The following GUCA1C variants were observed in gnomAD, a reference collection of about 807,000 sequenced individuals.
GUCA1C encodes guanylate cyclase activator 1C.
Under a neutral mutation model 16.2 loss-of-function variants are expected in GUCA1C, and 15 were observed. That is an observed-to-expected ratio of 0.93 (90% confidence interval 0.62 to 1.43). GUCA1C has a LOEUF of 1.43. Ranked by LOEUF, GUCA1C falls within the 40% of genes most tolerant of loss-of-function variation. The pLI, the probability that GUCA1C is intolerant of heterozygous loss-of-function variation, is 0.00. For missense variants in GUCA1C, 275 were observed against 244.8 expected (o/e 1.12, Z -0.82); for synonymous variants, 78 against 85.4 (o/e 0.91, Z 0.48).
At chr3:108,915,723 A>G (rs1946502839) in intron 3 of GUCA1C, among the ~76,000 whole-genome samples, 1 of 152,096 alleles carries the variant, frequency 6.6e-6, no homozygotes, top group South Asian at 2.1e-4. Flanking sequence ...AATGAAGGAA[A>G]GTTTTCTGCA....
intron 1 of GUCA1C, among the ~76,000 whole-genome samples, chr3:108,949,962 G>C (rs995717742): frequency 1.3e-5 from 2 of 152,084 alleles, no homozygotes; most frequent in Admixed American, 1.3e-4. Context: ...TAGTCACCAT[G>C]CTATACAAGA....
intron 1 of GUCA1C, among the ~76,000 whole-genome samples, chr3:108,951,664 G>C (rs1402259515): frequency 6.6e-6 from 1 of 152,044 alleles, no homozygotes; most frequent in East Asian, 1.9e-4. Context: ...ATTTTATATT[G>C]AGATCCCCAC....
chr3:108,930,321 CTGTAAAG>C (rs1180527511), intron 1 of GUCA1C, among the ~76,000 whole-genome samples: 1 of 152,214 alleles, frequency 6.6e-6, no homozygotes, highest in Non-Finnish European at 1.5e-5. Flanking sequence ...ATTTATCAGT[CTGTAAAG>C]TGTTACGTGT....
At chr3:108,916,568 G>A (rs1272464059) in intron 2 of GUCA1C, among the ~76,000 whole-genome samples, 4 of 152,212 alleles carry the variant, frequency 2.6e-5, no homozygotes, top group Admixed American at 2.6e-4. Context: ...ATTTCAGACA[G>A]ATTGATTTGG....
intron 2 of GUCA1C, among the ~76,000 whole-genome samples, chr3:108,916,964 A>G (rs1022655305): frequency 2.0e-5 from 3 of 152,258 alleles, no homozygotes; most frequent in African/African-American, 4.8e-5. Flanking sequence ...TATTTCAATT[A>G]GAGGACACAA....
chr3:108,926,652 T>C (rs1490898140), intron 1 of GUCA1C, among the ~76,000 whole-genome samples: 2 of 152,122 alleles, frequency 1.3e-5, no homozygotes, highest in Admixed American at 6.6e-5. Context: ...AGCTAATTTT[T>C]TGTATTTTTA....
chr3:108,931,454 G>A (rs1269207471), intron 1 of GUCA1C, among the ~76,000 whole-genome samples: 1 of 152,146 alleles, frequency 6.6e-6, no homozygotes, highest in African/African-American at 2.4e-5. Flanking sequence ...TTAGACAAGG[G>A]CATCCTCTTT....
chr3:108,909,895 T>G (rs1223479324), intron 3 of GUCA1C, among the ~76,000 whole-genome samples: 2 of 152,194 alleles, frequency 1.3e-5, no homozygotes, highest in Non-Finnish European at 2.9e-5. Context: ...TTTGAAATTT[T>G]CCTCAGTTTC....
In GUCA1C at chr3:108,941,479, G is replaced by A. The variant is rs111314387; in HGVS notation, c.204+12080C>T. ...TGTAAAGATCTTTGGAGTCCCAAAAGAGGCAAAGACTTTTGACAAGTCTTT... is the reference window on the plus strand; with the variant it reads ...TGTAAAGATCTTTGGAGTCCCAAAAAAGGCAAAGACTTTTGACAAGTCTTT... On this transcript the variant is annotated intron_variant, in intron 1 of 3. Transcript: ENST00000261047. Among the ~76,000 whole-genome samples, 713 of 152,270 alleles carry A rather than the reference G, an allele frequency of 4.7e-3. 8 individuals are homozygous for A. Among genetic ancestry groups the A allele is most frequent in the African/African-American group, 0.016 (683 of 41,538 alleles).
intron 1 of GUCA1C, among the ~76,000 whole-genome samples, chr3:108,932,324 A>AG (rs1946675914): frequency 2.9e-5 from 1 of 34,066 alleles, no homozygotes; most frequent in East Asian, 4.1e-4. Context: ...ACCTCCCACC[A>AG]AAAAAAAAAA....
chr3:108,925,052 C>A (rs935933370), intron 1 of GUCA1C, among the ~76,000 whole-genome samples: 9 of 151,084 alleles, frequency 6.0e-5, no homozygotes, highest in Admixed American at 1.3e-4. Flanking sequence ...AATGGCCTGT[C>A]AATTTTATTT....
intron 3 of GUCA1C, among the ~76,000 whole-genome samples, chr3:108,914,872 A>G (rs1196969614): frequency 6.6e-6 from 1 of 152,000 alleles, no homozygotes; most frequent in Non-Finnish European, 1.5e-5. Flanking sequence ...TAGCCTCCTT[A>G]TCTACTCTGG....
Position 108,920,462 on chromosome 3 carries a change from T to C in GUCA1C, c.328A>G (p.Lys110Glu), listed in dbSNP as rs1487354383. 1.2e-6 allele frequency: 2 copies of C among 1,609,164 alleles called. No individual in the cohort carries two copies. Among genetic ancestry groups the C allele is most frequent in the African/African-American group, 2.7e-5 (2 of 74,818 alleles). ...ATGAACATGTCCAGTAGTTCATTTTTGTCAATAGAACCATTTCCATCAGCA... is the reference window on the plus strand; with the variant it reads ...ATGAACATGTCCAGTAGTTCATTTTCGTCAATAGAACCATTTCCATCAGCA... ...YDADGNGSID[K>E]NELLDMFMAV... Residue 110 changes from lysine (K) to glutamate (E), a missense_variant, in exon 2 of 4, where the codon AAA becomes GAA. Physicochemically the swap from Lys to Glu is moderately conservative, Grantham distance 56. Coordinates refer to ENST00000261047, the MANE Select transcript of GUCA1C (RefSeq NM_005459.4).
At chr3:108,950,184 C>A (rs776879291) in intron 1 of GUCA1C, among the ~76,000 whole-genome samples, 28 of 152,144 alleles carry the variant, frequency 1.8e-4, no homozygotes, top group Non-Finnish European at 3.4e-4. Context: ...CCAAGCATGT[C>A]CCCCAGGTTC....
upstream of GUCA1C, among the ~76,000 whole-genome samples, chr3:108,954,702 A>AT (rs1946931556): frequency 6.6e-6 from 1 of 151,796 alleles, no homozygotes; most frequent in African/African-American, 2.4e-5. Flanking sequence ...CCCAGGTAGA[A>AT]TATAATTCTG....
At chr3:108,943,831 C>T (rs766347165) in intron 1 of GUCA1C, among the ~76,000 whole-genome samples, 1 of 152,106 alleles carries the variant, frequency 6.6e-6, no homozygotes, top group Non-Finnish European at 1.5e-5. Flanking sequence ...TAAGTCTTTG[C>T]GTCCTCATAG....
At chr3:108,951,896 G>A (rs888170356) in intron 1 of GUCA1C, among the ~76,000 whole-genome samples, 1 of 152,200 alleles carries the variant, frequency 6.6e-6, no homozygotes, top group African/African-American at 2.4e-5. Flanking sequence ...GGCTTCATCT[G>A]ACAGCAGATC....
chr3:108,913,974 A>G (rs557083507), intron 3 of GUCA1C, among the ~76,000 whole-genome samples: 518 of 152,098 alleles, frequency 3.4e-3, no homozygotes, highest in Non-Finnish European at 4.5e-3. Context: ...ATTGAGGCAG[A>G]AGAATTGCTT....
At chr3:108,954,574 GA>G (rs755628917), upstream of GUCA1C, among the ~76,000 whole-genome samples, 4 of 152,052 alleles carry the variant, frequency 2.6e-5, no homozygotes, top group Non-Finnish European at 5.9e-5. Flanking sequence ...ATTTGCCAAT[GA>G]ACTTAAGAAC....
Sources: allele counts gnomAD v4.1 joint callset (sites outside exome capture counted in the v4.1 genomes callset), GRCh38; gene constraint gnomAD v4.1.1; transcripts MANE v1.5; gene names NCBI Gene and HGNC (gene_info 2026-07-23, HGNC 2026-07-21).